PCDHGA4: variants seen among roughly 807,000 people sequenced by gnomAD.
PCDHGA4 encodes protocadherin gamma-A4.
In PCDHGA4, 38 loss-of-function variants were observed where a neutral mutation model predicts 54.6. The observed-to-expected ratio is 0.70, with a 90% CI of 0.54 to 0.91. PCDHGA4 has a LOEUF of 0.91. Ranked by LOEUF, PCDHGA4 falls within the 40% of genes least tolerant of loss-of-function variation. The pLI, the probability that PCDHGA4 is intolerant of heterozygous loss-of-function variation, is 0.00. For missense variants in PCDHGA4, 1,298 were observed against 1,220.9 expected (o/e 1.06, Z -0.94); for synonymous variants, 511 against 512.9 (o/e 1.00, Z 0.05).
At chr5:141,415,647 A>C in intron 1 of PCDHGA4, 2 of 1,599,602 alleles carry the variant, frequency 1.3e-6, no homozygotes, top group Non-Finnish European at 1.7e-6. Context: ...TTGTTAAAAA[A>C]AAAAAGATTG....
At chr5:141,412,980 A>G (rs2095595071) in intron 1 of PCDHGA4, 2 of 543,674 alleles carry the variant, frequency 3.7e-6, no homozygotes, top group Non-Finnish European at 6.3e-6. Flanking sequence ...AAACGCAGCC[A>G]GAGCTCAATC....
chr5:141,423,757 G>GGC, intron 1 of PCDHGA4: 1 of 395,122 alleles, frequency 2.5e-6, no homozygotes, highest in East Asian at 1.5e-4. Context: ...GTTTGGGGGG[G>GGC]GGGTGGGGCG....
At chr5:141,449,349 G>C (rs191322076) in intron 1 of PCDHGA4, among the ~76,000 whole-genome samples, 2 of 152,074 alleles carry the variant, frequency 1.3e-5, no homozygotes, top group African/African-American at 4.8e-5. Flanking sequence ...GCTCACTCCT[G>C]TAATCCCAGC....
Position 141,510,980 on chromosome 5 carries a change from G to C in PCDHGA4, c.2696G>C (p.Gly899Ala), listed in dbSNP as rs1466168256. 12 of 1,614,170 alleles carry C rather than the reference G, an allele frequency of 7.4e-6. No individual in the cohort carries two copies. The highest frequency in any genetic ancestry group is 9.3e-6 in the Non-Finnish European group (11 of 1,180,014). ...AADGSSTLGG[G>A]AGTMGLSARY... ...GATGGGAGCTCCACCCTGGGAGGGG[G>C]TGCCGGCACCATGGGATTGAGCGCC... is the stretch of plus-strand genomic sequence containing the variant. Residue 899 changes from glycine (G) to alanine (A), a missense_variant, in exon 4 of 4, where the codon GGT becomes GCT. By Grantham distance (60) the Gly-to-Ala change is moderately conservative (BLOSUM62 0). Transcript: ENST00000571252.
intron 1 of PCDHGA4, chr5:141,479,437 C>G (rs2099496053): frequency 6.6e-6 from 1 of 152,224 alleles, no homozygotes; most frequent in Admixed American, 6.5e-5. Flanking sequence ...AATCCACTGT[C>G]TGCACTAAGT....
At chr5:141,501,983 C>T (rs957901405) in intron 2 of PCDHGA4, among the ~76,000 whole-genome samples, 1 of 152,068 alleles carries the variant, frequency 6.6e-6, no homozygotes, top group Non-Finnish European at 1.5e-5. Context: ...CATCTGGTCC[C>T]GTTGTCTCCC....
At chr5:141,383,248 T>A in intron 1 of PCDHGA4, 1 of 1,613,948 alleles carries the variant, frequency 6.2e-7, no homozygotes. Context: ...AATGAATCTT[T>A]ACCCTATAGA....
rs201458472 is a variant in PCDHGA4 at position 141,403,860 on chromosome 5, C to T, written c.2514+46239C>T. 1.5e-5 allele frequency: 25 copies of T among 1,613,382 alleles called. No individual in the cohort carries two copies. In the Admixed American group the frequency reaches 2.7e-4, roughly 17 times the overall value. Reference sequence around the variant, plus strand: ...AATGAAAATACTGGGGAAATATCAACAGCAAAAAGTCTAGATTATGAAGAA... The same window carrying T: ...AATGAAAATACTGGGGAAATATCAATAGCAAAAAGTCTAGATTATGAAGAA... On this transcript the variant is annotated intron_variant, in intron 1 of 3. Coordinates refer to ENST00000571252, the MANE Select transcript of PCDHGA4 (RefSeq NM_018917.4).
At position 141,394,905 on chromosome 5, in the gene PCDHGA4, G is replaced by A. The variant is rs1281710551; in HGVS notation, c.2514+37284G>A. On this transcript the variant is annotated intron_variant, in intron 1 of 3. Transcript: ENST00000571252. ...TACACTCTATCTCGTGGTGGCAGTG[G>A]CTGCCATCTCCTGTGTCTTCCTCGC... The A allele has an allele frequency of 1.2e-6, 2 of 1,613,720 alleles. No individual in the cohort carries two copies. Among genetic ancestry groups the A allele is most frequent in the Non-Finnish European group, 1.7e-6 (2 of 1,179,870 alleles).
intron 1 of PCDHGA4, chr5:141,417,205 C>G (rs1217296715): frequency 6.6e-6 from 1 of 151,986 alleles, no homozygotes; most frequent in Non-Finnish European, 1.5e-5. Context: ...TGAATATAGG[C>G]TAGAATTGAA....
intron 1 of PCDHGA4, chr5:141,410,288 T>G: frequency 6.2e-7 from 1 of 1,614,044 alleles, no homozygotes; most frequent in Non-Finnish European, 8.5e-7. Context: ...GGTGGTGGCC[T>G]TGGCCTTAAT....
At chr5:141,403,552 G>T (rs1228068556) in intron 1 of PCDHGA4, 5 of 1,613,892 alleles carry the variant, frequency 3.1e-6, no homozygotes, top group Non-Finnish European at 4.2e-6. Context: ...AGCGCGCCCT[G>T]GACAGGGAGG....
intron 1 of PCDHGA4, chr5:141,372,032 G>A (rs1177751501): frequency 1.2e-6 from 2 of 1,613,340 alleles, no homozygotes; most frequent in Non-Finnish European, 1.7e-6. Context: ...GCGCCAACGT[G>A]AGCCTGCGCG....
intron 1 of PCDHGA4, among the ~76,000 whole-genome samples, chr5:141,464,431 A>G (rs1352563675): frequency 6.6e-6 from 1 of 151,648 alleles, no homozygotes; most frequent in Non-Finnish European, 1.5e-5. Flanking sequence ...ATATAGATAT[A>G]TATGTTTGTT....
Position 141,501,940 on chromosome 5 carries a change from C to T in PCDHGA4, c.2574-3453C>T, listed in dbSNP as rs565207980. Among the ~76,000 whole-genome samples the T allele has an allele frequency of 2.6e-5, 4 of 152,250 alleles. No individual in the cohort carries two copies. In the East Asian group the frequency reaches 7.7e-4, roughly 29 times the overall value. On this transcript the variant is annotated intron_variant, in intron 2 of 3. Transcript: ENST00000571252. ...CAGCTTTGTTCCCTCAACACCACTG[C>T]TCCCTGTGACAGGTCATCCTCCTAA...
At chr5:141,380,731 T>C (rs1776694872) in intron 1 of PCDHGA4, among the ~76,000 whole-genome samples, 1 of 152,266 alleles carries the variant, frequency 6.6e-6, no homozygotes, top group Non-Finnish European at 1.5e-5. Flanking sequence ...TTATTTCCTT[T>C]TCTCCAAAGA....
At chr5:141,365,587 T>A in intron 1 of PCDHGA4, 1 of 1,613,686 alleles carries the variant, frequency 6.2e-7, no homozygotes, top group Non-Finnish European at 8.5e-7. Context: ...CAGATTATAA[T>A]ATCACTTTAA....
At chr5:141,405,596 A>T (rs1024672340) in intron 1 of PCDHGA4, 2 of 578,622 alleles carry the variant, frequency 3.5e-6, no homozygotes, top group Admixed American at 6.3e-5. Flanking sequence ...AGGCCTCCCA[A>T]GTAGAATAAC....
Position 141,486,294 on chromosome 5 carries a change from T to C in PCDHGA4, c.2515-8513T>C, listed in dbSNP as rs764106041. The C allele has an allele frequency of 1.2e-6, 2 of 1,614,036 alleles. No homozygotes were observed. The highest frequency in any genetic ancestry group is 1.7e-6 in the Non-Finnish European group (2 of 1,179,998). On this transcript the variant is annotated intron_variant, in intron 1 of 3. Transcript: ENST00000571252. The surrounding 1 kb of genome is among the most constrained non-coding windows in gnomAD (Gnocchi z 5.0). ...GGCACTGTGGTGGCACTTATCAGTG[T>C]GCAGGATCCAGACTCAGGGTCAAAC...
Sources: allele counts gnomAD v4.1 joint callset (sites outside exome capture counted in the v4.1 genomes callset), GRCh38; gene constraint gnomAD v4.1.1; non-coding constraint Gnocchi (gnomAD v3.1); transcripts MANE v1.5; gene names NCBI Gene and HGNC (gene_info 2026-07-23, HGNC 2026-07-21).